Variants in BANK1 observed in about 807,000 individuals in gnomAD.
BANK1 encodes B-cell scaffold protein with ankyrin repeats.
A neutral mutation model predicts 94.5 loss-of-function variants in BANK1; 95 were observed. The ratio of observed to expected loss-of-function variants is 1.00; its 90% CI spans 0.85 to 1.19. The LOEUF (loss-of-function observed/expected upper bound fraction) is 1.19, where lower values mean the gene tolerates loss of function less well. BANK1 is among the 50% of genes most tolerant of loss of function. The pLI is 0.00. For missense variants in BANK1, 987 were observed against 932.2 expected (o/e 1.06, Z -0.77); for synonymous variants, 334 against 308.4 (o/e 1.08, Z -0.87).
In BANK1 at chr4:102,013,680, A is replaced by G. The variant is rs150080853; in HGVS notation, c.1207-7834A>G. Among the ~76,000 whole-genome samples the G allele has an allele frequency of 1.3e-3, 199 of 152,038 alleles. 3 individuals carry two copies. Among genetic ancestry groups the G allele is most frequent in the African/African-American group, 4.3e-3 (177 of 41,500 alleles). ...GATTTTTTTTAAATCATAGTAAGCT[A>G]TGAAAAGGAGGAGGTCTTTTTTTTT... On this transcript the variant is annotated intron_variant, in intron 7 of 16. Coordinates refer to ENST00000322953, the MANE Select transcript of BANK1 (RefSeq NM_017935.5).
chr4:101,855,314 A>G, intron 3 of BANK1, 125 bp downstream of exon 3: 1 of 854,112 alleles, frequency 1.2e-6, no homozygotes, highest in Non-Finnish European at 1.7e-6. Context: ...CCTGGCCTCA[A>G]GAGATCCTCC....
In BANK1 at chr4:101,839,937, A is replaced by ATTTTTTTTTTTTTTTTTTTTTT. The variant is rs70964197; in HGVS notation, c.469+9759_469+9780dup. Among the ~76,000 whole-genome samples the ATTTTTTTTTTTTTTTTTTTTTT allele has an allele frequency of 3.8e-5, 2 of 53,090 alleles. 1 individual carries two copies. The highest frequency in any genetic ancestry group is 1.5e-4 in the African/African-American group (2 of 13,330). The allele number at this position is 53,090 out of a possible 152,430, so 34.8% of individuals were successfully genotyped here. A position where few individuals can be genotyped will look rare whatever the true frequency, so the allele number is the denominator to read the frequency against. ...GCTACTATATAATTTCAAATATTTA[A>ATTTTTTTTTTTTTTTTTTTTTT]TTTTTTTTTTTTTTTTTTTTTTTTT... On this transcript the variant is annotated intron_variant, in intron 2 of 16. Coordinates refer to ENST00000322953, the MANE Select transcript of BANK1 (RefSeq NM_017935.5).
At chr4:102,011,555 A>G (rs1452157355) in intron 7 of BANK1, among the ~76,000 whole-genome samples, 4 of 152,198 alleles carry the variant, frequency 2.6e-5, no homozygotes. Flanking sequence ...TTTCATTATT[A>G]TAAGCTAAAA....
intron 7 of BANK1, among the ~76,000 whole-genome samples, chr4:102,015,205 T>C (rs1726653288): frequency 6.6e-6 from 1 of 152,108 alleles, no homozygotes; most frequent in Non-Finnish European, 1.5e-5. Flanking sequence ...TATAAAGGAA[T>C]ATAGCAATAT....
At chr4:101,926,106 G>T (rs967150139) in intron 7 of BANK1, among the ~76,000 whole-genome samples, 2 of 151,574 alleles carry the variant, frequency 1.3e-5, no homozygotes, top group African/African-American at 4.8e-5. Context: ...ATAGGAAAGG[G>T]TATTTAATAT....
At position 101,829,808 on chromosome 4, in the gene BANK1, G is replaced by T; in HGVS notation, c.71G>T (p.Gly24Val). 6.6e-7 allele frequency: 1 copy of T among 1,505,382 alleles called. No individual in the cohort carries two copies. The highest frequency in any genetic ancestry group is 1.3e-5 in the South Asian group (1 of 75,800). 93.3% of individuals were successfully genotyped at this position (1,505,382 alleles called of 1,614,324 possible). Reference protein sequence around the residue: ...DPAPCGPAPPGNTKDIIMIYE... With the variant: ...DPAPCGPAPPVNTKDIIMIYE... ...AAGAAAATATTTTTTCTTTTTCCAG[G>T]AAATACAAAAGATATAATAATGATA... Residue 24 changes from glycine (G) to valine (V), a missense_variant and splice_region_variant, in exon 2 of 17, where the codon GGA becomes GTA. Coordinates refer to ENST00000322953, the MANE Select transcript of BANK1 (RefSeq NM_017935.5).
chr4:101,899,288 G>T (rs1446746720), intron 6 of BANK1, among the ~76,000 whole-genome samples: 1 of 152,056 alleles, frequency 6.6e-6, no homozygotes, highest in Non-Finnish European at 1.5e-5. Context: ...CTAAATTAGG[G>T]ATTGATGTAT....
chr4:101,845,253 A>T (rs4698970), intron 2 of BANK1, among the ~76,000 whole-genome samples: 1 of 152,164 alleles, frequency 6.6e-6, no homozygotes, highest in African/African-American at 2.4e-5. Context: ...GTTAAAAATT[A>T]AAAAATTAAA....
At chr4:101,847,198 A>AGT (rs10542109) in intron 2 of BANK1, among the ~76,000 whole-genome samples, 2,295 of 147,802 alleles carry the variant, frequency 0.016, 34 homozygotes, top group South Asian at 0.051. Context: ...GGGTTGGCAG[A>AGT]GTGTGTGTGT....
intron 2 of BANK1, among the ~76,000 whole-genome samples, chr4:101,854,370 A>C (rs1727603763): frequency 6.6e-6 from 1 of 152,214 alleles, no homozygotes. Context: ...ATTACTGTTA[A>C]AATTTTTAAA....
chr4:101,909,605 G>T (rs1327587190), intron 6 of BANK1, among the ~76,000 whole-genome samples: 1 of 152,094 alleles, frequency 6.6e-6, no homozygotes, highest in South Asian at 2.1e-4. Flanking sequence ...GGTTTTCCTT[G>T]CCCTCATTCC....
At chr4:102,029,874 TG>T in intron 9 of BANK1, 85 bp from the exon 10 acceptor site, 1 of 1,337,978 alleles carries the variant, frequency 7.5e-7, no homozygotes, top group Non-Finnish European at 1.0e-6. Flanking sequence ...TAAGCCACCT[TG>T]GGAAGCTCAA....
rs570928438 is a variant in BANK1 at position 101,955,592 on chromosome 4, A to G, written c.1206+37403A>G. 1.8e-4 allele frequency among the ~76,000 whole-genome samples: 28 copies of G among 152,308 alleles called. No individual in the cohort carries two copies. In the South Asian group the frequency reaches 4.8e-3, roughly 26 times the overall value. On this transcript the variant is annotated intron_variant, in intron 7 of 16. Coordinates refer to ENST00000322953, the MANE Select transcript of BANK1 (RefSeq NM_017935.5). ...TCAACCTCTTGAAAGATAATGCAGC[A>G]TAGTTATGTAACAGGAATTTGATAC...
At chr4:101,895,797 C>A (rs1269468894) in intron 6 of BANK1, among the ~76,000 whole-genome samples, 5 of 151,660 alleles carry the variant, frequency 3.3e-5, no homozygotes, top group Non-Finnish European at 7.4e-5. Flanking sequence ...ATTAACGTGA[C>A]CACCAGAAAT....
chr4:102,054,875 C>G (rs1429342514), intron 11 of BANK1, among the ~76,000 whole-genome samples: 1 of 152,024 alleles, frequency 6.6e-6, no homozygotes, highest in African/African-American at 2.4e-5. Flanking sequence ...GAGTGAGTGT[C>G]TTTACCGTGG....
At chr4:101,965,518 T>C (rs893688619) in intron 7 of BANK1, among the ~76,000 whole-genome samples, 1 of 152,098 alleles carries the variant, frequency 6.6e-6, no homozygotes, top group Non-Finnish European at 1.5e-5. Context: ...TTCAAACTGG[T>C]TTTATTTCTC....
chr4:101,947,842 T>C (rs1436676673), intron 7 of BANK1, among the ~76,000 whole-genome samples: 2 of 152,062 alleles, frequency 1.3e-5, no homozygotes, highest in African/African-American at 4.8e-5. Context: ...GAATCAATCA[T>C]ATAAAATATT....
At chr4:101,863,126 A>C (rs1159101077) in intron 4 of BANK1, among the ~76,000 whole-genome samples, 1 of 151,564 alleles carries the variant, frequency 6.6e-6, no homozygotes, top group Non-Finnish European at 1.5e-5. Flanking sequence ...GTATGGTGCA[A>C]TTTGTACATA....
intron 7 of BANK1, among the ~76,000 whole-genome samples, chr4:101,952,442 A>G (rs1021439823): frequency 6.6e-6 from 1 of 152,156 alleles, no homozygotes; most frequent in African/African-American, 2.4e-5. Context: ...TCATGCATGC[A>G]ATAGATTCTC....
Sources: gnomAD v4.1 joint callset for allele counts (sites outside exome capture counted in the v4.1 genomes callset) on GRCh38, gnomAD v4.1.1 for gene constraint, MANE v1.5 for transcripts, NCBI Gene and HGNC (gene_info 2026-07-23, HGNC 2026-07-21) for gene names.